Variants in GTF2E2 observed in about 807,000 individuals in gnomAD.
GTF2E2 encodes the protein transcription initiation factor IIE subunit beta.
Under a neutral mutation model 40.5 loss-of-function variants are expected in GTF2E2, and 21 were observed. The observed-to-expected ratio is 0.52, with a 90% CI of 0.37 to 0.75. The LOEUF (loss-of-function observed/expected upper bound fraction) is 0.75, where lower values mean the gene tolerates loss of function less well. Ranked by LOEUF, GTF2E2 falls within the 30% of genes least tolerant of loss-of-function variation. The probability of loss-of-function intolerance (pLI) is 0.00; values close to 1 mark genes in which losing one functional copy is unlikely to be tolerated. For synonymous variants in GTF2E2, 117 were observed against 121.6 expected (o/e 0.96, Z 0.25); for missense variants, 298 against 338.4 (o/e 0.88, Z 0.94).
intron 2 of GTF2E2, among the ~76,000 whole-genome samples, chr8:30,648,943 G>A (rs945077350): frequency 6.6e-6 from 1 of 152,188 alleles, no homozygotes. Flanking sequence ...TCCTGCTGTC[G>A]AATGGGACCT....
chr8:30,606,020 C>T (rs537881718), intron 6 of GTF2E2, among the ~76,000 whole-genome samples: 2 of 152,226 alleles, frequency 1.3e-5, no homozygotes, highest in Non-Finnish European at 1.5e-5. Flanking sequence ...TTGCAAGTAA[C>T]GAAGACTGAA....
In GTF2E2 at chr8:30,578,952, T is replaced by G. The variant is rs141953164; in HGVS notation, c.845A>C (p.Lys282Thr). ...GCTGGAAGTAATGTCAGAGTAATCC[T>G]TCAGCACTCCAGCCAAGTGTTCGTT... ...THNEHLAGVL[K>T]DYSDITSSK Residue 282 changes from lysine (K) to threonine (T), a missense_variant, in exon 8 of 8, where the codon AAG becomes ACG. Coordinates refer to ENST00000355904, the MANE Select transcript of GTF2E2 (RefSeq NM_002095.6). The G allele has an allele frequency of 6.3e-7, 1 of 1,599,124 alleles. No individual in the cohort carries two copies. Among genetic ancestry groups the G allele is most frequent in the African/African-American group, 1.3e-5 (1 of 74,670 alleles).
intron 4 of GTF2E2, among the ~76,000 whole-genome samples, chr8:30,613,119 T>C (rs1829526944): frequency 6.6e-6 from 1 of 152,208 alleles, no homozygotes; most frequent in Non-Finnish European, 1.5e-5. Flanking sequence ...TGTGTAGGAA[T>C]CAATAAAACA....
chr8:30,654,407 TA>T lies in GTF2E2; in HGVS notation c.-4-806del, dbSNP rs930324616. Among the ~76,000 whole-genome samples the T allele has an allele frequency of 2.2e-3, 334 of 151,788 alleles. 1 individual carries two copies. Among genetic ancestry groups the T allele is most frequent in the African/African-American group, 5.7e-3 (236 of 41,416 alleles). Reference sequence around the variant, plus strand: ...AATTTTTCTTTTAAAATATGGCTATTAAAAAAAAATTAAGAGACAGTGTCTC... The same window carrying T: ...AATTTTTCTTTTAAAATATGGCTATTAAAAAAAATTAAGAGACAGTGTCTC... On this transcript the variant is annotated intron_variant, in intron 1 of 7. Coordinates refer to ENST00000355904, the MANE Select transcript of GTF2E2 (RefSeq NM_002095.6).
intron 5 of GTF2E2, among the ~76,000 whole-genome samples, chr8:30,608,224 T>C (rs1270401363): frequency 6.6e-6 from 1 of 152,218 alleles, no homozygotes; most frequent in Non-Finnish European, 1.5e-5. Flanking sequence ...ATGGAGTCTT[T>C]AGATGACAAT....
At chr8:30,608,772 C>T (rs990121749) in intron 5 of GTF2E2, among the ~76,000 whole-genome samples, 10 of 152,142 alleles carry the variant, frequency 6.6e-5, no homozygotes, top group South Asian at 2.1e-4. Context: ...TGTTTTGAGA[C>T]GGAGTCTCAC....
intron 6 of GTF2E2, among the ~76,000 whole-genome samples, chr8:30,604,055 C>T (rs1166559471): frequency 1.3e-5 from 2 of 152,108 alleles, no homozygotes; most frequent in African/African-American, 2.4e-5. Context: ...TAGCCAGATA[C>T]ATTCATGGGT....
intron 6 of GTF2E2, among the ~76,000 whole-genome samples, chr8:30,600,336 C>G (rs1282797572): frequency 6.6e-6 from 1 of 152,134 alleles, no homozygotes; most frequent in African/African-American, 2.4e-5. Context: ...ATGACTAGCA[C>G]CATGGGTACT....
chr8:30,649,433 A>C (rs898649525), intron 2 of GTF2E2, among the ~76,000 whole-genome samples: 2 of 152,172 alleles, frequency 1.3e-5, no homozygotes, highest in African/African-American at 4.8e-5. Context: ...ACAAAAACCA[A>C]AACAGAAAAG....
At chr8:30,629,522 T>TA (rs972870433) in intron 3 of GTF2E2, among the ~76,000 whole-genome samples, 1 of 151,450 alleles carries the variant, frequency 6.6e-6, no homozygotes, top group Non-Finnish European at 1.5e-5. Flanking sequence ...CCGTCTCTAC[T>TA]AAAAAAATAC....
chr8:30,611,295 A>C (rs1563486622), intron 5 of GTF2E2, among the ~76,000 whole-genome samples: 6 of 152,240 alleles, frequency 3.9e-5, no homozygotes. Context: ...TCTAAGACCC[A>C]ACAGAAATGT....
At chr8:30,624,470 G>C (rs1267694529) in intron 3 of GTF2E2, among the ~76,000 whole-genome samples, 1 of 152,092 alleles carries the variant, frequency 6.6e-6, no homozygotes, top group African/African-American at 2.4e-5. Context: ...TGTTCTTTTG[G>C]CTTAGGACTG....
intron 3 of GTF2E2, among the ~76,000 whole-genome samples, chr8:30,628,127 T>A (rs1801338554): frequency 6.6e-6 from 1 of 152,190 alleles, no homozygotes; most frequent in Admixed American, 6.5e-5. Context: ...AATTAAACAG[T>A]ACTTTCTCCC....
At chr8:30,646,338 G>A (rs544507191) in intron 2 of GTF2E2, among the ~76,000 whole-genome samples, 11 of 152,068 alleles carry the variant, frequency 7.2e-5, no homozygotes, top group Non-Finnish European at 1.5e-4. Flanking sequence ...AACCAAGGCA[G>A]AAAGACTGCC....
chr8:30,595,769 T>G (rs550488504), intron 6 of GTF2E2, among the ~76,000 whole-genome samples: 1 of 151,616 alleles, frequency 6.6e-6, no homozygotes, highest in South Asian at 2.1e-4. Context: ...GAGGCAGAGG[T>G]TGTAGTGAGC....
At chr8:30,586,804 C>T (rs1828700120) in intron 6 of GTF2E2, among the ~76,000 whole-genome samples, 1 of 152,196 alleles carries the variant, frequency 6.6e-6, no homozygotes. Context: ...TGAATATCCA[C>T]ATGCAGGAGA....
chr8:30,648,279 G>A (rs1802164291), intron 2 of GTF2E2, among the ~76,000 whole-genome samples: 1 of 152,222 alleles, frequency 6.6e-6, no homozygotes, highest in Non-Finnish European at 1.5e-5. Context: ...GAGGCCAGAT[G>A]AGGCAGGCAC....
intron 3 of GTF2E2, among the ~76,000 whole-genome samples, chr8:30,625,842 G>A (rs893574524): frequency 2.0e-5 from 3 of 152,002 alleles, no homozygotes; most frequent in African/African-American, 4.8e-5. Flanking sequence ...CAAGTCACCC[G>A]CCCGCCTCAG....
intron 6 of GTF2E2, among the ~76,000 whole-genome samples, chr8:30,589,117 C>T (rs1419973237): frequency 6.6e-6 from 1 of 151,956 alleles, no homozygotes; most frequent in Non-Finnish European, 1.5e-5. Context: ...ATTATCCGGG[C>T]GTGGTGGCAC....
Sources: gnomAD v4.1 joint callset for allele counts (sites outside exome capture counted in the v4.1 genomes callset) on GRCh38, gnomAD v4.1.1 for gene constraint, MANE v1.5 for transcripts, NCBI Gene and HGNC (gene_info 2026-07-23, HGNC 2026-07-21) for gene names.